ZFHX3: variants seen among roughly 807,000 people sequenced by gnomAD.
The protein encoded by ZFHX3 is zinc finger homeobox protein 3.
ZFHX3 carries 42 observed loss-of-function variants against 279.1 expected under a neutral mutation model. The ratio of observed to expected loss-of-function variants is 0.15; its 90% CI spans 0.12 to 0.19. The LOEUF (loss-of-function observed/expected upper bound fraction) is 0.19. Among genes scored for constraint, ZFHX3 ranks in the 10% least tolerant of loss-of-function variants. The pLI is 1.00. For missense variants in ZFHX3, 4,981 were observed against 4,754.0 expected, an observed-to-expected ratio of 1.05 and a Z score of -1.40; for synonymous variants, 2,293 against 1,957.8, an observed-to-expected ratio of 1.17 and a Z score of -4.52.
intron 3 of ZFHX3, among the ~76,000 whole-genome samples, chr16:72,940,005 G>A (rs1002830601): frequency 2.0e-5 from 3 of 152,114 alleles, no homozygotes; most frequent in Non-Finnish European, 4.4e-5. Context: ...GAACTCTCAG[G>A]CTCAGCTGAT....
At chr16:72,893,592 G>C (rs1198859118) in intron 3 of ZFHX3, among the ~76,000 whole-genome samples, 1 of 152,162 alleles carries the variant, frequency 6.6e-6, no homozygotes, top group Non-Finnish European at 1.5e-5. Context: ...CCACACTCTA[G>C]CTCATGTTGG....
chr16:73,118,783 G>T (rs1423542191), intron 7 of ZFHX3, among the ~76,000 whole-genome samples: 1 of 152,188 alleles, frequency 6.6e-6, no homozygotes, highest in Non-Finnish European at 1.5e-5. Flanking sequence ...GTGGAAGATA[G>T]GTATGAGTAC....
rs1008544202 is a variant in ZFHX3, at chr16:72,785,786, T to G, written c.*1378A>C. 1 of 150,324 alleles carries G rather than the reference T, an allele frequency of 6.7e-6. No homozygotes were observed. Among genetic ancestry groups the G allele is most frequent in the African/African-American group, 2.5e-5 (1 of 40,692 alleles). 9.3% of individuals were successfully genotyped at this position (150,324 alleles called of 1,614,324 possible). A position where few individuals can be genotyped will look rare whatever the true frequency, so the allele number is the denominator to read the frequency against. On this transcript the variant is annotated 3_prime_UTR_variant, in exon 10 of 10. Transcript: ENST00000268489. Reference sequence around the variant, plus strand: ...TAGAAAAAAAAAGAATATTTGAAGCTCCTACCAAACAAGGAGGAAAAGAAG... The same window carrying G: ...TAGAAAAAAAAAGAATATTTGAAGCGCCTACCAAACAAGGAGGAAAAGAAG...
intron 5 of ZFHX3, among the ~76,000 whole-genome samples, chr16:73,170,484 CCT>C (rs1454085998): frequency 6.6e-6 from 1 of 152,054 alleles, no homozygotes; most frequent in Non-Finnish European, 1.5e-5. Context: ...CCTGCCTCGG[CCT>C]CTCAAAGTGC....
At chr16:73,832,182 G>T (rs1162510341) in intron 1 of ZFHX3, among the ~76,000 whole-genome samples, 6 of 151,486 alleles carry the variant, frequency 4.0e-5, no homozygotes, top group Non-Finnish European at 7.4e-5. Context: ...TATAGGCAAA[G>T]CCACTGTGCC....
chr16:73,253,311 A>T (rs2013564529), intron 5 of ZFHX3, among the ~76,000 whole-genome samples: 1 of 152,202 alleles, frequency 6.6e-6, no homozygotes, highest in South Asian at 2.1e-4. Context: ...TGAAAGGAGA[A>T]CAGGGTTGCA....
chr16:73,252,778 C>G (rs2013548755), intron 5 of ZFHX3, among the ~76,000 whole-genome samples: 1 of 152,090 alleles, frequency 6.6e-6, no homozygotes, highest in African/African-American at 2.4e-5. Flanking sequence ...GAAAGTCTAG[C>G]AGAGGATAAA....
At chr16:73,530,975 A>C (rs1362685444) in intron 2 of ZFHX3, among the ~76,000 whole-genome samples, 1 of 152,214 alleles carries the variant, frequency 6.6e-6, no homozygotes, top group African/African-American at 2.4e-5. Flanking sequence ...TGAAAACCTA[A>C]AAGTTGTTTT....
intron 3 of ZFHX3, among the ~76,000 whole-genome samples, chr16:73,321,580 A>G (rs571187313): frequency 6.6e-6 from 1 of 152,346 alleles, no homozygotes; most frequent in South Asian, 2.1e-4. Flanking sequence ...GCTCCCGAAC[A>G]ACAGGTCAAC....
intron 2 of ZFHX3, among the ~76,000 whole-genome samples, chr16:73,490,646 T>C (rs375800712): frequency 3.2e-4 from 48 of 152,226 alleles, no homozygotes; most frequent in African/African-American, 1.1e-3. Flanking sequence ...GAGACTAGCC[T>C]GGGAAATATG....
intron 3 of ZFHX3, among the ~76,000 whole-genome samples, chr16:72,910,221 TAAC>T (rs2039285073): frequency 6.6e-6 from 1 of 152,180 alleles, no homozygotes; most frequent in Non-Finnish European, 1.5e-5. Context: ...ATGGAATTAC[TAAC>T]AACAACAAAA....
intron 2 of ZFHX3, among the ~76,000 whole-genome samples, chr16:73,645,860 T>A (rs971626759): frequency 6.6e-6 from 1 of 152,184 alleles, no homozygotes; most frequent in Admixed American, 6.5e-5. Flanking sequence ...TCTTTCTTAA[T>A]CTTATCAGCC....
chr16:73,528,381 C>T (rs2019731684), intron 2 of ZFHX3, among the ~76,000 whole-genome samples: 1 of 152,220 alleles, frequency 6.6e-6, no homozygotes, highest in African/African-American at 2.4e-5. Flanking sequence ...ATTCATTCAT[C>T]CATTTCTCCA....
In ZFHX3 at chr16:73,113,093, T is replaced by TG. The variant is rs1966396741; in HGVS notation, c.-897+17874dup. On this transcript the variant is annotated intron_variant, in intron 7 of 17. Coordinates refer to the ZFHX3 transcript ENST00000641206. Reference sequence around the variant, plus strand: ...TTTGGGAGAAAGGAGAGAGAGAATATGAGAAAGAAAGAGGGAATGAGAGGA... The same window carrying TG: ...TTTGGGAGAAAGGAGAGAGAGAATATGGAGAAAGAAAGAGGGAATGAGAGGA... Among the ~76,000 whole-genome samples the TG allele has an allele frequency of 2.0e-5, 3 of 149,736 alleles. 1 individual carries two copies. In the South Asian group the frequency reaches 6.4e-4, roughly 32 times the overall value.
intron 3 of ZFHX3, among the ~76,000 whole-genome samples, chr16:72,904,319 T>A (rs1377627803): frequency 6.6e-6 from 1 of 151,344 alleles, no homozygotes; most frequent in African/African-American, 2.4e-5. Context: ...TGAGCCGAGA[T>A]CACAACCCAC....
chr16:73,804,463 T>G (rs1960219793), intron 1 of ZFHX3, among the ~76,000 whole-genome samples: 2 of 152,212 alleles, frequency 1.3e-5, no homozygotes, highest in African/African-American at 4.8e-5. Flanking sequence ...TGGATGAGCA[T>G]TAAGCAGTCA....
rs62640008 is a variant in ZFHX3, at chr16:72,958,544, G to A, written c.1602C>T (p.Pro534=). The A allele has an allele frequency of 0.033, 52,877 of 1,614,048 alleles. 1,138 individuals are homozygous for A. The highest frequency in any genetic ancestry group is 0.08 in the African/African-American group (6,007 of 75,020). ...ALSNQSISNS[P]LMPNVLQTLS... ...GGGTCTGGAGCACGTTAGGCATTAA[G>A]GGGGAGTTAGAAATGCTTTGGTTTG... Residue 534 remains proline, a synonymous_variant, in exon 2 of 10, where the codon CCC becomes CCT. Transcript: ENST00000268489.
intron 1 of ZFHX3, among the ~76,000 whole-genome samples, chr16:72,979,369 A>G (rs1168154593): frequency 6.6e-6 from 1 of 152,202 alleles, no homozygotes; most frequent in East Asian, 1.9e-4. Context: ...GAGCTCCTCA[A>G]AAAGACAAGT....
chr16:73,775,211 G>C (rs918894040), intron 1 of ZFHX3, among the ~76,000 whole-genome samples: 31 of 152,178 alleles, frequency 2.0e-4, no homozygotes, highest in African/African-American at 7.0e-4. Flanking sequence ...CTTCAACCCT[G>C]CTTCGACTGC....
Sources: gnomAD v4.1 joint callset for allele counts (sites outside exome capture counted in the v4.1 genomes callset) on GRCh38, gnomAD v4.1.1 for gene constraint, MANE v1.5 for transcripts, NCBI Gene and HGNC (gene_info 2026-07-23, HGNC 2026-07-21) for gene names.